SORBS2: variants seen among roughly 807,000 people sequenced by gnomAD.
SORBS2 encodes sorbin and SH3 domain containing 2.
Under a neutral mutation model 97.7 loss-of-function variants are expected in SORBS2, and 46 were observed. The observed-to-expected ratio is 0.47, with a 90% confidence interval of 0.37 to 0.60. The LOEUF (loss-of-function observed/expected upper bound fraction) is 0.60, where lower values mean the gene tolerates loss of function less well. SORBS2 is among the 20% of genes least tolerant of loss of function. SORBS2 has a pLI of 0.00. For synonymous variants in SORBS2, 476 were observed against 473.4 expected, an observed-to-expected ratio of 1.01 and a Z score of -0.07; for missense variants, 1,316 against 1,282.3, an observed-to-expected ratio of 1.03 and a Z score of -0.40.
Position 185,607,312 on chromosome 4 carries a change from T to C in SORBS2, c.2796+4468A>G. The C allele has an allele frequency of 7.8e-7, 1 of 1,286,492 alleles. No homozygotes were observed. Among genetic ancestry groups the C allele is most frequent in the Non-Finnish European group, 1.0e-6 (1 of 987,352 alleles). 79.7% of individuals were successfully genotyped at this position (1,286,492 alleles called of 1,614,324 possible). On this transcript the variant is annotated intron_variant, in intron 12 of 14. Transcript: ENST00000418609. This position sits in a 1 kb window ranked among gnomAD's most constrained non-coding sequence, Gnocchi z 5.2. ...TCCTTTATCTGAGCCAGGTGAGACT[T>C]TGTGGGTGGGAGGAGGGGCTGGTTC...
chr4:185,847,356 T>G (rs1213737103), intron 1 of SORBS2, among the ~76,000 whole-genome samples: 3 of 152,174 alleles, frequency 2.0e-5, no homozygotes, highest in Admixed American at 2.0e-4. Flanking sequence ...ATGCCTTCAG[T>G]ATCTTTTGGA....
intron 2 of SORBS2, among the ~76,000 whole-genome samples, chr4:185,691,581 G>C (rs1315398847): frequency 6.6e-6 from 1 of 152,086 alleles, no homozygotes; most frequent in African/African-American, 2.4e-5. Flanking sequence ...TGTCAAGAAA[G>C]ATGAGATTCA....
chr4:185,916,937 G>A (rs1022208068), intron 1 of SORBS2, among the ~76,000 whole-genome samples: 3 of 152,214 alleles, frequency 2.0e-5, no homozygotes, highest in African/African-American at 7.2e-5. Context: ...ATGGGGCTGG[G>A]TACCAGAAAG....
In SORBS2 at chr4:185,842,099, CTAA is replaced by C. The variant is rs567657161; in HGVS notation, c.-337-66736_-337-66734del. 2.6e-5 allele frequency among the ~76,000 whole-genome samples: 4 copies of C among 152,206 alleles called. No homozygotes were observed. The East Asian group carries it at 7.7e-4, about 29-fold the overall frequency. ...AAGGAGAAATAAGTGATATAAGAAA[CTAA>C]TAATTAAATAATGTCATTTCAGATG... On this transcript the variant is annotated intron_variant, in intron 1 of 20. Transcript: ENST00000284776.
chr4:185,712,101 C>G (rs2098425300), intron 2 of SORBS2, among the ~76,000 whole-genome samples: 1 of 152,146 alleles, frequency 6.6e-6, no homozygotes, highest in Admixed American at 6.5e-5. Context: ...AGCTGAAAAG[C>G]CTGAAACCAT....
chr4:185,821,580 C>T (rs1264157830), intron 1 of SORBS2, among the ~76,000 whole-genome samples: 1 of 152,078 alleles, frequency 6.6e-6, no homozygotes, highest in Non-Finnish European at 1.5e-5. Flanking sequence ...CCCGCCACCA[C>T]ACCCAGCTAA....
Position 185,623,337 on chromosome 4 carries a change from G to A in SORBS2, c.1792C>T (p.Leu598Phe). Reference sequence around the variant, plus strand: ...CTGACTAGAAAAGCAAGTTTAGAAAGGCCAGGGTCCATTTCTTGCCTTCTG... The same window carrying A: ...CTGACTAGAAAAGCAAGTTTAGAAAAGCCAGGGTCCATTTCTTGCCTTCTG... The change falls in exon 7 of 15, where the codon CTT becomes TTT. Residue 598 changes from leucine to phenylalanine, a missense_variant. Leu to Phe is a conservative substitution (Grantham distance 22, BLOSUM62 0). Coordinates refer to ENST00000418609, the Ensembl canonical transcript of SORBS2. This position sits in a 1 kb window ranked among gnomAD's most constrained non-coding sequence, Gnocchi z 6.4. The A allele has an allele frequency of 6.2e-7, 1 of 1,614,010 alleles. No individual in the cohort carries two copies. Among genetic ancestry groups the A allele is most frequent in the Non-Finnish European group, 8.5e-7 (1 of 1,180,022 alleles).
chr4:185,878,507 T>C (rs937705492), intron 1 of SORBS2, among the ~76,000 whole-genome samples: 2 of 152,128 alleles, frequency 1.3e-5, no homozygotes, highest in African/African-American at 2.4e-5. Flanking sequence ...GGCGCCTCGC[T>C]TTCCCCATCC....
At chr4:185,710,279 T>A (rs2098406688) in intron 2 of SORBS2, among the ~76,000 whole-genome samples, 1 of 152,196 alleles carries the variant, frequency 6.6e-6, no homozygotes, top group Admixed American at 6.5e-5. Flanking sequence ...AGAGGCAGAG[T>A]GTCCTTCAGT....
At chr4:185,835,834 G>A (rs1346721598) in intron 1 of SORBS2, among the ~76,000 whole-genome samples, 3 of 152,028 alleles carry the variant, frequency 2.0e-5, no homozygotes, top group African/African-American at 7.2e-5. Context: ...AGGAGTGTCT[G>A]AGGAGGCTCA....
intron 2 of SORBS2, among the ~76,000 whole-genome samples, chr4:185,683,986 C>T (rs2097912239): frequency 1.3e-5 from 2 of 151,596 alleles, no homozygotes; most frequent in Admixed American, 6.6e-5. Flanking sequence ...ACAAGCAGTC[C>T]CCAAACTGCA....
At chr4:185,931,606 A>G (rs1397245466) in intron 1 of SORBS2, among the ~76,000 whole-genome samples, 3 of 152,156 alleles carry the variant, frequency 2.0e-5, no homozygotes. Flanking sequence ...TACCAAGGCT[A>G]GGGGATGAGG....
At chr4:185,639,020 T>C (rs1394931025) in intron 4 of SORBS2, 12 of 1,514,024 alleles carry the variant, frequency 7.9e-6, no homozygotes, top group Non-Finnish European at 1.1e-5. Context: ...GGTGTCGGAG[T>C]TGTTGGGAGA....
At chr4:185,937,673 T>C (rs777387945) in intron 1 of SORBS2, among the ~76,000 whole-genome samples, 9 of 152,176 alleles carry the variant, frequency 5.9e-5, no homozygotes, top group Non-Finnish European at 1.0e-4. Context: ...CACCAAGTGA[T>C]GCCTCATTAA....
In SORBS2 at chr4:185,869,462, G is replaced by A. The variant is rs2099229186; in HGVS notation, c.-338+86734C>T. 2.0e-5 allele frequency among the ~76,000 whole-genome samples: 3 copies of A among 152,148 alleles called. No homozygotes were observed. The South Asian group carries it at 6.2e-4, about 32-fold the overall frequency. On this transcript the variant is annotated intron_variant, in intron 1 of 20. Transcript: ENST00000284776. ...CCTTCTGTCTTTATGCTGCTACCCT[G>A]GGCATATGCCCTCATACTTGGCTCC...
chr4:185,651,973 CTTT>C, intron 2 of SORBS2, 145 bp from the exon 11 acceptor site: 1 of 590,388 alleles, frequency 1.7e-6, no homozygotes, highest in Non-Finnish European at 3.0e-6. Context: ...TTCTTTTTTT[CTTT>C]TTTTTTAAGA....
At chr4:185,632,098 A>G (rs2096917836) in intron 4 of SORBS2, among the ~76,000 whole-genome samples, 1 of 152,276 alleles carries the variant, frequency 6.6e-6, no homozygotes, top group East Asian at 1.9e-4. Flanking sequence ...TCTATAACTC[A>G]GTTTTCTATT....
chr4:185,643,434 G>A (rs1050686593), intron 4 of SORBS2, among the ~76,000 whole-genome samples: 1 of 152,142 alleles, frequency 6.6e-6, no homozygotes, highest in Non-Finnish European at 1.5e-5. Context: ...TATGCTCAGG[G>A]TTTCAGATTT....
exon 4 of SORBS2, chr4:185,646,685 G>T (rs2097213687): frequency 1.2e-6 from 2 of 1,610,336 alleles, no homozygotes; most frequent in African/African-American, 1.3e-5. Context: ...TCATGCTGAA[G>T]AATTGATGAC....
Sources: gnomAD v4.1 joint callset for allele counts (sites outside exome capture counted in the v4.1 genomes callset) on GRCh38, gnomAD v4.1.1 for gene constraint, Gnocchi (gnomAD v3.1) non-coding constraint, MANE v1.5 for transcripts, NCBI Gene and HGNC (gene_info 2026-07-23, HGNC 2026-07-21) for gene names.